The following SMG6 variants were observed in gnomAD, a reference collection of about 807,000 sequenced individuals.
SMG6 encodes the protein telomerase-binding protein EST1A.
A neutral mutation model predicts 142.2 loss-of-function variants in SMG6; 66 were observed. The observed-to-expected ratio is 0.46, with a 90% CI of 0.38 to 0.57. The LOEUF is 0.57. SMG6 is among the 20% of genes least tolerant of loss of function. The pLI, the probability that SMG6 is intolerant of heterozygous loss-of-function variation, is 0.00. For missense variants in SMG6, 1,793 were observed against 1,832.0 expected (o/e 0.98, Z 0.39); for synonymous variants, 779 against 702.4 (o/e 1.11, Z -1.72).
chr17:2,127,954 T>C (rs535274911), intron 13 of SMG6: 78 of 554,756 alleles, frequency 1.4e-4, no homozygotes, highest in African/African-American at 1.3e-3. Flanking sequence ...TTCTGCTTGC[T>C]GAGTAGCAAA....
At chr17:2,162,782 T>C (rs925518701) in intron 13 of SMG6, among the ~76,000 whole-genome samples, 2 of 152,192 alleles carry the variant, frequency 1.3e-5, no homozygotes, top group African/African-American at 4.8e-5. Flanking sequence ...AGTAGTTATC[T>C]CTGGGTAGTG....
At position 2,085,335 on chromosome 17, in the gene SMG6, G is replaced by A. The variant is rs1236384013; in HGVS notation, c.3534+390C>T. On this transcript the variant is annotated intron_variant, in intron 14 of 18. Coordinates refer to ENST00000263073, the MANE Select transcript of SMG6 (RefSeq NM_017575.5). The surrounding 1 kb of genome is among the most constrained non-coding windows in gnomAD (Gnocchi z 4.1). ...TTTCCACACAGGGCCAGCAATGTCA[G>A]CTCTTCCTGTACGTGTGCTGGAGGC... 1.3e-5 allele frequency among the ~76,000 whole-genome samples: 2 copies of A among 152,186 alleles called. No homozygotes were observed. The highest frequency in any genetic ancestry group is 4.8e-5 in the African/African-American group (2 of 41,424).
At position 2,300,101 on chromosome 17, in the gene SMG6, T is replaced by G. The variant is rs773999538; in HGVS notation, c.652A>C (p.Lys218Gln). 6.2e-7 allele frequency: 1 copy of G among 1,614,190 alleles called. No homozygotes were observed. The highest frequency in any genetic ancestry group is 8.5e-7 in the Non-Finnish European group (1 of 1,180,026). ...ACCCCCTCCCCTTTTCCCATCCTCT[T>G]TCCTTTTTCTCCTTTTGCAGCCCCT... ...RVGAAKGEKG[K>Q]RMGKGEGVRE... Residue 218 changes from lysine (K) to glutamine (Q), a missense_variant, in exon 2 of 19, where the codon AAG becomes CAG. By Grantham distance (53) the Lys-to-Gln change is moderately conservative. Around this residue, in one of 3 missense-constraint regions of SMG6, gnomAD observed 1,597 missense variants for 1,584.6 expected, o/e 1.01. Coordinates refer to ENST00000263073, the MANE Select transcript of SMG6 (RefSeq NM_017575.5).
At chr17:2,077,177 C>G (rs1471036570) in intron 15 of SMG6, among the ~76,000 whole-genome samples, 1 of 152,218 alleles carries the variant, frequency 6.6e-6, no homozygotes, top group Non-Finnish European at 1.5e-5. Context: ...TCTGTGTCCC[C>G]CAGACACTGG....
intron 13 of SMG6, among the ~76,000 whole-genome samples, chr17:2,170,108 C>T (rs1459401135): frequency 6.6e-6 from 1 of 152,048 alleles, no homozygotes; most frequent in Non-Finnish European, 1.5e-5. Context: ...TGGCGGGCAG[C>T]GGGTGGGGCA....
In SMG6 at chr17:2,244,580, C is replaced by T. The variant is rs1202147210; in HGVS notation, c.2723+78G>A. On this transcript the variant is annotated intron_variant, in intron 9 of 18. Transcript: ENST00000263073. ...CACCCTGTGCCCTCAGTTACAAACA[C>T]AGTCCAGTTGCTAACAATATTAAAT... The T allele has an allele frequency of 6.1e-6, 7 of 1,140,154 alleles. No individual in the cohort carries two copies. In the East Asian group the frequency reaches 1.7e-4, roughly 27 times the overall value. The allele number at this position is 1,140,154 out of a possible 1,614,324, so 70.6% of individuals were successfully genotyped here.
At chr17:2,302,540 C>G (rs928994664) in intron 1 of SMG6, among the ~76,000 whole-genome samples, 2 of 152,080 alleles carry the variant, frequency 1.3e-5, no homozygotes, top group Non-Finnish European at 2.9e-5. Context: ...GACTCCGTCT[C>G]AAAAAATAAT....
At chr17:2,082,001 T>G in intron 14 of SMG6, 45 bp from the exon 15 acceptor site, 5 of 1,608,766 alleles carry the variant, frequency 3.1e-6, no homozygotes, top group Non-Finnish European at 4.3e-6. Context: ...GACAGTTAGC[T>G]GGGCCCATGG....
intron 13 of SMG6, chr17:2,127,345 C>T (rs1368949430): frequency 7.7e-6 from 4 of 516,878 alleles, no homozygotes; most frequent in Non-Finnish European, 1.5e-5. Context: ...TGTGAATGTA[C>T]TTAATGCCAC....
intron 6 of SMG6, among the ~76,000 whole-genome samples, chr17:2,284,998 C>A (rs1418775321): frequency 6.6e-6 from 1 of 152,014 alleles, no homozygotes; most frequent in Non-Finnish European, 1.5e-5. Flanking sequence ...AACAGAGATA[C>A]AACTTACAAT....
chr17:2,096,205 G>A (rs1039999219), intron 13 of SMG6, among the ~76,000 whole-genome samples: 1 of 151,900 alleles, frequency 6.6e-6, no homozygotes, highest in Non-Finnish European at 1.5e-5. Context: ...CTTATGTCTG[G>A]CAAATAATTA....
Position 2,065,272 on chromosome 17 carries a change from T to C in SMG6, c.4048-118A>G, listed in dbSNP as rs535584964. 147 of 1,017,478 alleles carry C rather than the reference T, an allele frequency of 1.4e-4. No individual in the cohort carries two copies. In the East Asian group the frequency reaches 3.2e-3, roughly 22 times the overall value. The allele number at this position is 1,017,478 out of a possible 1,614,324, so 63.0% of individuals were successfully genotyped here. On this transcript the variant is annotated intron_variant, in intron 17 of 18. Coordinates refer to ENST00000263073, the MANE Select transcript of SMG6 (RefSeq NM_017575.5). Reference sequence around the variant, plus strand: ...AGGGCCACCTCCCCGATCCCTCCCATGCATGCGCTGGCCCTGCCTGGCCTG... The same window carrying C: ...AGGGCCACCTCCCCGATCCCTCCCACGCATGCGCTGGCCCTGCCTGGCCTG...
In SMG6 at chr17:2,299,588, A is replaced by G. The variant is rs777524629; in HGVS notation, c.1165T>C (p.Ser389Pro). 4.3e-6 allele frequency: 7 copies of G among 1,614,126 alleles called. No individual in the cohort carries two copies. In the East Asian group the frequency reaches 1.6e-4, roughly 36 times the overall value. ...GGGTTTTTGGACTCCTGCTTCTCAG[A>G]GCCTTTGCCCCCACTGCTCAAGCCT... ...DKGLSSGGKG[S>P]EKQESKNPKQ... is the part of the protein sequence containing the mutation. The change falls in exon 2 of 19, where the codon TCT becomes CCT. Residue 389 changes from serine (S) to proline (P), a missense_variant. This residue lies in a region of SMG6 where 1,597 missense variants were observed against 1,584.6 expected (regional missense o/e 1.01). Coordinates refer to ENST00000263073, the MANE Select transcript of SMG6 (RefSeq NM_017575.5). The surrounding 1 kb of genome is among the most constrained non-coding windows in gnomAD (Gnocchi z 4.3).
chr17:2,207,125 A>C (rs911021711), intron 10 of SMG6, among the ~76,000 whole-genome samples: 25 of 149,590 alleles, frequency 1.7e-4, no homozygotes, highest in African/African-American at 2.0e-4. Flanking sequence ...TCCAAAAAAA[A>C]AAAAAAAAAA....
At chr17:2,129,920 C>A (rs2070052572) in intron 13 of SMG6, among the ~76,000 whole-genome samples, 1 of 146,308 alleles carries the variant, frequency 6.8e-6, no homozygotes, top group Non-Finnish European at 1.5e-5. Context: ...CATTATAGAA[C>A]AAGACAGTTC....
intron 8 of SMG6, chr17:2,280,666 T>C: frequency 1.0e-5 from 8 of 792,842 alleles, no homozygotes; most frequent in Non-Finnish European, 1.2e-5. Flanking sequence ...CCAAGGATGA[T>C]GTACAAACTA....
Position 2,299,044 on chromosome 17 carries a change from T to C in SMG6, c.1709A>G (p.Glu570Gly), listed in dbSNP as rs2075208773. ...TTGCTGCAGGTTCCTCATGTGCTGC[T>C]CTACCTCCTCGGGACTCATGGTGCT... The part of the protein sequence containing the change: ...PTSTMSPEEV[E>G]QHMRNLQQQE... Residue 570 changes from glutamate to glycine, a missense_variant, in exon 2 of 19, where the codon GAG (glutamate) becomes GGG (glycine). By Grantham distance (98) the Glu-to-Gly change is moderately conservative. Transcript: ENST00000263073. This position sits in a 1 kb window ranked among gnomAD's most constrained non-coding sequence, Gnocchi z 4.3. The C allele has an allele frequency of 1.2e-6, 2 of 1,614,052 alleles. No homozygotes were observed. Among genetic ancestry groups the C allele is most frequent in the Non-Finnish European group, 1.7e-6 (2 of 1,180,042 alleles).
At chr17:2,221,357 T>C (rs2073164845) in intron 10 of SMG6, among the ~76,000 whole-genome samples, 1 of 152,182 alleles carries the variant, frequency 6.6e-6, no homozygotes, top group African/African-American at 2.4e-5. Flanking sequence ...CTTCACTCTC[T>C]TCCTCCTGCT....
At chr17:2,211,650 C>T (rs1367431358) in intron 10 of SMG6, among the ~76,000 whole-genome samples, 3 of 132,434 alleles carry the variant, frequency 2.3e-5, no homozygotes, top group Admixed American at 8.6e-5. Flanking sequence ...GGAGACAGAG[C>T]GAGACTCCAT....
Sources: gnomAD v4.1 joint callset for allele counts (sites outside exome capture counted in the v4.1 genomes callset) on GRCh38, gnomAD v4.1.1 for gene constraint, gnomAD v4.1.1 regional missense constraint, Gnocchi (gnomAD v3.1) non-coding constraint, MANE v1.5 for transcripts, NCBI Gene and HGNC (gene_info 2026-07-23, HGNC 2026-07-21) for gene names.